The following FGF13 variants were observed in gnomAD, a reference collection of about 807,000 sequenced individuals.
The protein encoded by FGF13 is fibroblast growth factor 13.
FGF13 carries 2 observed loss-of-function variants against 19.5 expected under a neutral mutation model. That is an observed-to-expected ratio of 0.10 (90% confidence interval 0.04 to 0.32). FGF13 has a LOEUF of 0.32. FGF13 is among the 10% of genes least tolerant of loss of function. FGF13 has a pLI of 1.00. For missense variants in FGF13, 113 were observed against 192.7 expected (o/e 0.59, Z 2.45); for synonymous variants, 72 against 76.9 (o/e 0.94, Z 0.33).
At chrX:139,036,366 C>A (rs2092250637) in intron 1 of FGF13, among the ~76,000 whole-genome samples, 1 of 111,414 alleles carries the variant, frequency 9.0e-6, no homozygotes, top group African/African-American at 3.3e-5. Context: ...CCTGGAGTTT[C>A]TACGTTTCTA....
At chrX:138,982,901 C>T (rs988858192) in intron 1 of FGF13, among the ~76,000 whole-genome samples, 3 of 112,119 alleles carry the variant, frequency 2.7e-5, no homozygotes, top group Non-Finnish European at 3.8e-5. Flanking sequence ...GTTGGCCATT[C>T]GTATGTCTTT....
intron 3 of FGF13, among the ~76,000 whole-genome samples, chrX:138,765,410 C>G (rs143483894): frequency 0.015 from 1,644 of 111,491 alleles, 17 homozygotes; most frequent in African/African-American, 0.051. Flanking sequence ...ATAAATTCCA[C>G]CAGCTTATTT....
intron 1 of FGF13, among the ~76,000 whole-genome samples, chrX:139,063,929 G>A (rs2092344591): frequency 9.0e-6 from 1 of 110,989 alleles, no homozygotes; most frequent in Admixed American, 9.6e-5. Context: ...CAGTTTATAC[G>A]AGTACAGTAT....
intron 1 of FGF13, among the ~76,000 whole-genome samples, chrX:139,133,171 T>C (rs1314205715): frequency 1.8e-5 from 2 of 110,079 alleles, no homozygotes; most frequent in Non-Finnish European, 3.8e-5. Flanking sequence ...TCTTTCATTG[T>C]TCAGCATGTT....
intron 3 of FGF13, among the ~76,000 whole-genome samples, chrX:138,821,431 C>A (rs1035627100): frequency 7.2e-5 from 8 of 111,802 alleles, no homozygotes; most frequent in African/African-American, 2.3e-4. Context: ...CAATGTCAAT[C>A]TACTTTTTCA....
downstream of FGF13, among the ~76,000 whole-genome samples, chrX:138,855,385 G>A (rs1285743928): frequency 9.0e-6 from 1 of 111,395 alleles, no homozygotes; most frequent in Non-Finnish European, 1.9e-5. Context: ...TGTTTGAGGG[G>A]GTACAGTAAG....
chrX:138,782,870 A>G (rs1165876839), intron 3 of FGF13, among the ~76,000 whole-genome samples: 36 of 90,504 alleles, frequency 4.0e-4, no homozygotes, highest in African/African-American at 1.5e-3. Context: ...ATCCTAAGCC[A>G]AAAGAACAAA....
intron 4 of FGF13, among the ~76,000 whole-genome samples, chrX:138,634,217 C>T (rs1161229695): frequency 3.6e-5 from 4 of 110,626 alleles, no homozygotes; most frequent in Admixed American, 9.6e-5. Flanking sequence ...TTTTTTGAAA[C>T]GGAGTCTCAC....
chrX:138,960,441 G>T (rs59636221), intron 1 of FGF13, among the ~76,000 whole-genome samples: 95 of 111,631 alleles, frequency 8.5e-4, no homozygotes, highest in African/African-American at 3.1e-3. Context: ...TTTCTCTCTG[G>T]CTGCCCTTAA....
rs2091979498 is a variant in FGF13 at position 138,984,523 on chromosome X, G to GAAGAACAAGAA, written c.-112-119874_-112-119873insTTCTTGTTCTT. Among the ~76,000 whole-genome samples, 4 of 31,578 alleles carry GAAGAACAAGAA rather than the reference G, an allele frequency of 1.3e-4. 1 individual carries two copies. Among genetic ancestry groups the GAAGAACAAGAA allele is most frequent in the Admixed American group, 4.8e-4 (1 of 2,104 alleles). The allele number at this position is 31,578 out of a possible 115,157, so 27.4% of individuals were successfully genotyped here. ...AAGGAGAAGAAGAGGAAGAAGAAGA[G>GAAGAACAAGAA]GAAGAAGAAGAAGAAGAAGAAGAAG... On this transcript the variant is annotated intron_variant, in intron 1 of 2. Transcript: ENST00000421460.
chrX:139,128,526 C>G (rs1011562), intron 1 of FGF13, among the ~76,000 whole-genome samples: 42 of 112,279 alleles, frequency 3.7e-4, no homozygotes, highest in African/African-American at 1.1e-3. Flanking sequence ...TGGCCTCTGC[C>G]TAGTCAATGG....
intron 1 of FGF13, among the ~76,000 whole-genome samples, chrX:139,186,796 T>C (rs1315633057): frequency 1.8e-5 from 2 of 111,689 alleles, no homozygotes; most frequent in East Asian, 5.7e-4. Flanking sequence ...AAATGAGCTG[T>C]TCTCTCTGCT....
At chrX:138,887,732 A>C (rs939675521) in intron 1 of FGF13, among the ~76,000 whole-genome samples, 1 of 112,147 alleles carries the variant, frequency 8.9e-6, no homozygotes, top group South Asian at 3.8e-4. Flanking sequence ...TTATGCATTC[A>C]AGGGGATGAT....
At chrX:138,963,073 C>A (rs757129386) in intron 1 of FGF13, among the ~76,000 whole-genome samples, 5 of 112,564 alleles carry the variant, frequency 4.4e-5, no homozygotes, top group African/African-American at 1.6e-4. Context: ...ATAGTAAGGA[C>A]CTCAAGAAAC....
chrX:138,701,118 T>C lies in FGF13; in HGVS notation c.402+1866A>G, dbSNP rs928950963. On this transcript the variant is annotated intron_variant, in intron 3 of 4. Transcript: ENST00000315930. ...AAAGTACGTTCTTCAATTGTGATGT[T>C]GCAAAATTTATATTTAGTTAGCTTT... Among the ~76,000 whole-genome samples the C allele has an allele frequency of 7.1e-5, 8 of 112,531 alleles. No homozygotes were observed. The South Asian group carries it at 3.0e-3, about 42-fold the overall frequency.
At chrX:138,863,400 C>T (rs776246758) in intron 2 of FGF13, among the ~76,000 whole-genome samples, 5 of 111,501 alleles carry the variant, frequency 4.5e-5, no homozygotes, top group East Asian at 2.8e-4. Context: ...TTTCCACATA[C>T]GTTTTAAGAA....
At chrX:138,731,400 C>A (rs1247423815) in intron 1 of FGF13, among the ~76,000 whole-genome samples, 1 of 107,843 alleles carries the variant, frequency 9.3e-6, no homozygotes, top group African/African-American at 3.4e-5. Flanking sequence ...ACATAGACCA[C>A]CCCCTCAATA....
chrX:138,644,341 G>A (rs1191545156), intron 3 of FGF13, among the ~76,000 whole-genome samples: 1 of 110,549 alleles, frequency 9.0e-6, no homozygotes, highest in Non-Finnish European at 1.9e-5. Flanking sequence ...ACAATGGCAT[G>A]ATCTTGGCTC....
Position 139,061,411 on chromosome X carries a change from A to C in FGF13, c.-113+142005T>G, listed in dbSNP as rs893521011. Among the ~76,000 whole-genome samples, 9 of 111,083 alleles carry C rather than the reference A, an allele frequency of 8.1e-5. No homozygotes were observed. In the East Asian group the frequency reaches 2.6e-3, roughly 32 times the overall value. ...AGTGAGTTCTGACTCTTATGGCACTACATTAGTTACCCAGAGAGAATGCTG... is the reference window on the plus strand; with the variant it reads ...AGTGAGTTCTGACTCTTATGGCACTCCATTAGTTACCCAGAGAGAATGCTG... On this transcript the variant is annotated intron_variant, in intron 1 of 2. Coordinates refer to the FGF13 transcript ENST00000421460.
Sources: allele counts gnomAD v4.1 joint callset (sites outside exome capture counted in the v4.1 genomes callset), GRCh38; gene constraint gnomAD v4.1.1; transcripts MANE v1.5; gene names NCBI Gene and HGNC (gene_info 2026-07-23, HGNC 2026-07-21).